ENOX1: variants seen among roughly 807,000 people sequenced by gnomAD.
ENOX1 encodes the protein candidate growth-related and time keeping constitutive hydroquinone (NADH) oxidase.
A neutral mutation model predicts 82.5 loss-of-function variants in ENOX1; 42 were observed. The observed-to-expected ratio is 0.51, with a 90% CI of 0.40 to 0.66. The LOEUF is 0.66. ENOX1 is among the 30% of genes least tolerant of loss of function. The pLI, the probability that ENOX1 is intolerant of heterozygous loss-of-function variation, is 0.00. For missense variants in ENOX1, 608 were observed against 811.6 expected (o/e 0.75, Z 3.05); for synonymous variants, 271 against 282.2 (o/e 0.96, Z 0.40).
rs2053904458 is a variant in ENOX1 at position 43,408,031 on chromosome 13, C to T, written c.208+3885G>A. Among the ~76,000 whole-genome samples, 7 of 152,218 alleles carry T rather than the reference C, an allele frequency of 4.6e-5. No homozygotes were observed. The South Asian group carries it at 1.5e-3, about 32-fold the overall frequency. On this transcript the variant is annotated intron_variant, in intron 5 of 16. Transcript: ENST00000690772. ...AATGGTATATTTGGGATAAAAGGAA[C>T]AAATTCAATGTAATGATCTCAAGTA...
At chr13:43,332,533 G>C (rs1323464591) in intron 9 of ENOX1, among the ~76,000 whole-genome samples, 1 of 152,044 alleles carries the variant, frequency 6.6e-6, no homozygotes, top group Non-Finnish European at 1.5e-5. Flanking sequence ...GAAGCCTACT[G>C]ATCACAGTAT....
At chr13:43,267,617 GA>G (rs2044456950) in intron 13 of ENOX1, among the ~76,000 whole-genome samples, 1 of 152,214 alleles carries the variant, frequency 6.6e-6, no homozygotes, top group Non-Finnish European at 1.5e-5. Flanking sequence ...CAAATCCAAA[GA>G]AAGCCTCAAA....
In ENOX1 at chr13:43,356,102, G is replaced by A. The variant is rs1457584170; in HGVS notation, c.640C>T (p.Leu214Phe). ...CTGGCCTGGGCAAAGTCCACATGAA[G>A]GCGGCCTGAATCCTTTTTGTCGGTG... ...SSTDKKDSGR[L>F]HVDFAQARDD... Residue 214 changes from leucine to phenylalanine, a missense_variant, in exon 8 of 17, where the codon CTT (leucine) becomes TTT (phenylalanine). Coordinates refer to ENST00000690772, the MANE Select transcript of ENOX1 (RefSeq NM_001347969.2). The A allele has an allele frequency of 6.2e-7, 1 of 1,614,184 alleles. No homozygotes were observed.
At chr13:43,574,325 C>T (rs1346334103) in intron 2 of ENOX1, among the ~76,000 whole-genome samples, 1 of 152,126 alleles carries the variant, frequency 6.6e-6, no homozygotes, top group Non-Finnish European at 1.5e-5. Context: ...AGACGGTAAT[C>T]AGGAAAGCAA....
intron 1 of ENOX1, among the ~76,000 whole-genome samples, chr13:43,752,818 C>G (rs1950390909): frequency 6.6e-6 from 1 of 151,426 alleles, no homozygotes; most frequent in African/African-American, 2.4e-5. Context: ...CAACCTTCTT[C>G]TTTTTTAAAA....
intron 2 of ENOX1, among the ~76,000 whole-genome samples, chr13:43,527,970 T>A (rs1415015685): frequency 6.6e-6 from 1 of 152,128 alleles, no homozygotes; most frequent in African/African-American, 2.4e-5. Flanking sequence ...TCCATTATAA[T>A]CCAATTTTCA....
intron 3 of ENOX1, among the ~76,000 whole-genome samples, chr13:43,479,317 AGCAAGTG>A (rs2058418090): frequency 2.4e-5 from 3 of 125,240 alleles, no homozygotes; most frequent in Admixed American, 7.4e-5. Flanking sequence ...CTTGGTGAAA[AGCAAGTG>A]AAAAAAACAA....
chr13:43,395,346 T>C (rs989271016), intron 5 of ENOX1, among the ~76,000 whole-genome samples: 1 of 152,196 alleles, frequency 6.6e-6, no homozygotes, highest in Non-Finnish European at 1.5e-5. Context: ...TGGAACCCCA[T>C]CTCTACTAAA....
chr13:43,583,823 C>CT (rs74782852), intron 2 of ENOX1, among the ~76,000 whole-genome samples: 49 of 144,222 alleles, frequency 3.4e-4, no homozygotes, highest in East Asian at 6.2e-4. Flanking sequence ...ATAAACTTTT[C>CT]TTTTTTTTTT....
chr13:43,713,396 C>T (rs979777852), intron 1 of ENOX1, among the ~76,000 whole-genome samples: 13 of 152,120 alleles, frequency 8.5e-5, no homozygotes, highest in East Asian at 3.9e-4. Context: ...TGTCTCTGCC[C>T]GGCTTTGGTA....
intron 2 of ENOX1, among the ~76,000 whole-genome samples, chr13:43,580,232 A>T (rs956848489): frequency 5.9e-5 from 9 of 152,214 alleles, no homozygotes; most frequent in African/African-American, 2.2e-4. Context: ...CTACTTTAAT[A>T]TTTATGTTAA....
At chr13:43,396,772 T>C (rs1368136636) in intron 5 of ENOX1, among the ~76,000 whole-genome samples, 1 of 152,230 alleles carries the variant, frequency 6.6e-6, no homozygotes, top group Non-Finnish European at 1.5e-5. Context: ...AACCAGATGT[T>C]AGTCATTTTA....
At chr13:43,218,687 A>C (rs2041621014) in intron 16 of ENOX1, among the ~76,000 whole-genome samples, 1 of 152,244 alleles carries the variant, frequency 6.6e-6, no homozygotes, top group African/African-American at 2.4e-5. Context: ...AAAGATATTT[A>C]TATCTCATGA....
intron 3 of ENOX1, among the ~76,000 whole-genome samples, chr13:43,461,717 G>A (rs1482345793): frequency 2.6e-5 from 4 of 152,088 alleles, no homozygotes; most frequent in Non-Finnish European, 1.5e-5. Flanking sequence ...ACTACAAAAA[G>A]GGAGAAAAGC....
At chr13:43,289,416 A>T (rs145431995) in intron 12 of ENOX1, among the ~76,000 whole-genome samples, 6 of 152,156 alleles carry the variant, frequency 3.9e-5, no homozygotes, top group African/African-American at 1.4e-4. Flanking sequence ...AAACAAAGAT[A>T]CACACTTAAC....
intron 16 of ENOX1, among the ~76,000 whole-genome samples, 191 bp from the exon 17 acceptor site, chr13:43,214,312 CG>C (rs1359353462): frequency 6.6e-6 from 1 of 152,072 alleles, no homozygotes; most frequent in Non-Finnish European, 1.5e-5. Flanking sequence ...GAGCAGCTGG[CG>C]GGGTGGGGCG....
chr13:43,354,465 C>T (rs909299113), intron 8 of ENOX1, among the ~76,000 whole-genome samples: 1 of 148,876 alleles, frequency 6.7e-6, no homozygotes, highest in African/African-American at 2.5e-5. Context: ...ACCCCCGCTG[C>T]CACCTTTTTT....
chr13:43,617,168 G>A (rs1407253835), intron 2 of ENOX1, among the ~76,000 whole-genome samples: 2 of 152,184 alleles, frequency 1.3e-5, no homozygotes, highest in Non-Finnish European at 2.9e-5. Context: ...GCCTCATCAT[G>A]AGCTAGAATG....
At chr13:43,642,061 T>C (rs2083679959) in intron 2 of ENOX1, among the ~76,000 whole-genome samples, 1 of 152,208 alleles carries the variant, frequency 6.6e-6, no homozygotes, top group African/African-American at 2.4e-5. Flanking sequence ...ATTATCATCC[T>C]AATTTTACAG....
Sources: gnomAD v4.1 joint callset for allele counts (sites outside exome capture counted in the v4.1 genomes callset) on GRCh38, gnomAD v4.1.1 for gene constraint, MANE v1.5 for transcripts, NCBI Gene and HGNC (gene_info 2026-07-23, HGNC 2026-07-21) for gene names.